The following ENTREP2 variants were observed in gnomAD, a reference collection of about 807,000 sequenced individuals.
ENTREP2 encodes the protein endosomal transmembrane epsin interactor 2, also known as protein ENTREP2.
the ENTREP2 span, among the ~76,000 whole-genome samples, chr15:29,490,080 T>G: frequency 1.3e-5 from 2 of 152,242 alleles, no homozygotes; most frequent in African/African-American, 2.4e-5. Context: ...CGCTCTCCAG[T>G]AAACATTTCT....
chr15:29,204,169 A>G, the ENTREP2 span, among the ~76,000 whole-genome samples: 7 of 152,190 alleles, frequency 4.6e-5, no homozygotes, highest in African/African-American at 1.7e-4. Context: ...TGTTCGGGTC[A>G]TTGGGAACGA....
the ENTREP2 span, among the ~76,000 whole-genome samples, chr15:29,484,551 A>G: frequency 6.6e-6 from 1 of 152,190 alleles, no homozygotes; most frequent in African/African-American, 2.4e-5. Context: ...AGGTACATGC[A>G]TGTGTACACA....
At chr15:29,199,519 A>T in the ENTREP2 span, among the ~76,000 whole-genome samples, 13 of 152,222 alleles carry the variant, frequency 8.5e-5, no homozygotes, top group African/African-American at 2.9e-4. Context: ...GATGGGTAGG[A>T]CTGTATTCAG....
At chr15:29,308,317 A>C in the ENTREP2 span, among the ~76,000 whole-genome samples, 2 of 152,220 alleles carry the variant, frequency 1.3e-5, no homozygotes, top group Admixed American at 6.5e-5. Context: ...TGGAGGTTGC[A>C]GCAAGTGGAG....
the ENTREP2 span, among the ~76,000 whole-genome samples, chr15:29,335,407 G>A: frequency 2.6e-5 from 4 of 152,130 alleles, no homozygotes; most frequent in African/African-American, 4.8e-5. Context: ...AGTACAACAC[G>A]TACCCCAAGT....
the ENTREP2 span, among the ~76,000 whole-genome samples, chr15:29,662,062 T>G: frequency 6.6e-6 from 1 of 151,682 alleles, no homozygotes; most frequent in Middle Eastern, 3.4e-3. Context: ...AATACAAAAA[T>G]TAACTGGGAG....
chr15:29,378,447 G>C, the ENTREP2 span, among the ~76,000 whole-genome samples: 3 of 152,196 alleles, frequency 2.0e-5, no homozygotes, highest in Middle Eastern at 3.2e-3. Context: ...ACACTAGTTT[G>C]GATGTTGCTG....
chr15:29,363,339 AGAAAGCCTTGCAGGCTTTCTAT>A, the ENTREP2 span, among the ~76,000 whole-genome samples: 1 of 152,220 alleles, frequency 6.6e-6, no homozygotes, highest in Non-Finnish European at 1.5e-5. Flanking sequence ...TGGCTTCGAA[AGAAAGCCTTGCAGGCTTTCTAT>A]AACTCATATT....
At chr15:29,386,086 C>G in the ENTREP2 span, among the ~76,000 whole-genome samples, 1 of 152,140 alleles carries the variant, frequency 6.6e-6, no homozygotes, top group African/African-American at 2.4e-5. Flanking sequence ...TGAGAGCTAC[C>G]TCCACCACTC....
chr15:29,354,988 G>T, the ENTREP2 span, among the ~76,000 whole-genome samples: 1 of 152,224 alleles, frequency 6.6e-6, no homozygotes, highest in East Asian at 1.9e-4. Flanking sequence ...TCAGACTTGG[G>T]CAGCACTGAG....
At chr15:29,137,306 A>C in the ENTREP2 span, 1 of 998,334 alleles carries the variant, frequency 1.0e-6, no homozygotes, top group East Asian at 3.2e-5. Flanking sequence ...CTGTAATTTC[A>C]ACTGTCAAGC....
chr15:29,413,370 G>A, the ENTREP2 span, among the ~76,000 whole-genome samples: 15 of 152,022 alleles, frequency 9.9e-5, no homozygotes, highest in Admixed American at 6.6e-4. Context: ...CAGATTGATC[G>A]ATTTCTACCT....
chr15:29,531,687 G>A, the ENTREP2 span, among the ~76,000 whole-genome samples: 1 of 152,112 alleles, frequency 6.6e-6, no homozygotes, highest in African/African-American at 2.4e-5. Flanking sequence ...TGTTTCTGAG[G>A]CAGGGTCTCA....
At chr15:29,372,291 TAATTA>T in the ENTREP2 span, among the ~76,000 whole-genome samples, 1 of 152,212 alleles carries the variant, frequency 6.6e-6, no homozygotes, top group Admixed American at 6.5e-5. Flanking sequence ...CACTTCCACT[TAATTA>T]ATAGTAAATA....
chr15:29,149,966 C>T, the ENTREP2 span, among the ~76,000 whole-genome samples: 2 of 152,220 alleles, frequency 1.3e-5, no homozygotes, highest in Non-Finnish European at 2.9e-5. Context: ...TGACGGCAGC[C>T]GCTGTCGCCG....
chr15:29,316,515 C>A, the ENTREP2 span, among the ~76,000 whole-genome samples: 1 of 152,228 alleles, frequency 6.6e-6, no homozygotes. Flanking sequence ...AAAATAAGGG[C>A]CACCTTCTCT....
At chr15:29,166,175 T>G in the ENTREP2 span, among the ~76,000 whole-genome samples, 3 of 152,128 alleles carry the variant, frequency 2.0e-5, no homozygotes, top group African/African-American at 7.2e-5. Flanking sequence ...CATACCTCAA[T>G]GTAATAAAAG....
the ENTREP2 span, among the ~76,000 whole-genome samples, chr15:29,547,394 G>A: frequency 3.3e-5 from 5 of 151,916 alleles, no homozygotes; most frequent in Non-Finnish European, 5.9e-5. Context: ...GGCCCACATT[G>A]ATTCTATTTT....
chr15:29,203,529 T>G, the ENTREP2 span, among the ~76,000 whole-genome samples: 1 of 152,234 alleles, frequency 6.6e-6, no homozygotes, highest in South Asian at 2.1e-4. Flanking sequence ...GTTTTTGATT[T>G]GCATTTCTCT....
Sources: allele counts gnomAD v4.1 joint callset (sites outside exome capture counted in the v4.1 genomes callset), GRCh38; gene constraint gnomAD v4.1.1; transcripts MANE v1.5; gene names NCBI Gene and HGNC (gene_info 2026-07-23, HGNC 2026-07-21).